IL17RD: variants seen among roughly 807,000 people sequenced by gnomAD.
The protein encoded by IL17RD is interleukin-17 receptor D.
Under a neutral mutation model 80.5 loss-of-function variants are expected in IL17RD, and 52 were observed. That is an observed-to-expected ratio of 0.65 (90% CI 0.52 to 0.81). IL17RD has a LOEUF of 0.81. Ranked by LOEUF, IL17RD falls within the 40% of genes least tolerant of loss-of-function variation. The pLI is 0.00. For synonymous variants in IL17RD, 416 were observed against 391.8 expected (o/e 1.06, Z -0.73); for missense variants, 1,024 against 955.1 (o/e 1.07, Z -0.95).
chr3:57,131,040 C>T (rs890072255), intron 1 of IL17RD, among the ~76,000 whole-genome samples: 4 of 152,184 alleles, frequency 2.6e-5, no homozygotes, highest in Non-Finnish European at 5.9e-5. Flanking sequence ...CGGGGCCTCC[C>T]GGGGGGCAAT....
rs895965696 is a variant in IL17RD at position 57,162,092 on chromosome 3, G to T, written c.126+3069C>A. On this transcript the variant is annotated intron_variant, in intron 1 of 12. Coordinates refer to ENST00000296318, the MANE Select transcript of IL17RD (RefSeq NM_017563.5). Reference sequence around the variant, plus strand: ...CCAGGCCAGCCCATGGCTCCTCTGGGAGCAGCCCCGAAGGGTCTGTTAGCA... The same window carrying T: ...CCAGGCCAGCCCATGGCTCCTCTGGTAGCAGCCCCGAAGGGTCTGTTAGCA... Among the ~76,000 whole-genome samples the T allele has an allele frequency of 1.1e-4, 17 of 152,234 alleles. 2 individuals are homozygous for T. Among genetic ancestry groups the T allele is most frequent in the Admixed American group, 1.0e-3 (16 of 15,286 alleles).
chr3:57,095,257 ACATGCTAAT>A lies in IL17RD; in HGVS notation c.*1127_*1135del, dbSNP rs1706646443. 1 of 152,232 alleles carries A rather than the reference ACATGCTAAT, an allele frequency of 6.6e-6. No homozygotes were observed. Among genetic ancestry groups the A allele is most frequent in the African/African-American group, 2.4e-5 (1 of 41,464 alleles). The allele number at this position is 152,232 out of a possible 1,614,324, so 9.4% of individuals were successfully genotyped here. ...GAGACCAAGACAGCATTCATTACAC[ACATGCTAAT>A]CATCAGATGGGATGTGAACAATTGT... On this transcript the variant is annotated 3_prime_UTR_variant, in exon 13 of 13. Transcript: ENST00000296318.
At chr3:57,138,503 AG>A in intron 1 of IL17RD, among the ~76,000 whole-genome samples, 1 of 152,326 alleles carries the variant, frequency 6.6e-6, no homozygotes, top group African/African-American at 2.4e-5. Flanking sequence ...ATCAAAGGAC[AG>A]GTCTGAGAGG....
chr3:57,128,119 C>A (rs1707532838), intron 1 of IL17RD, among the ~76,000 whole-genome samples: 1 of 152,198 alleles, frequency 6.6e-6, no homozygotes, highest in Admixed American at 6.5e-5. Flanking sequence ...ATGCAACCAA[C>A]TTCAGAAATG....
At chr3:57,128,092 C>T (rs1707532318) in intron 1 of IL17RD, among the ~76,000 whole-genome samples, 1 of 152,222 alleles carries the variant, frequency 6.6e-6, no homozygotes, top group Admixed American at 6.5e-5. Context: ...GCTGTTCTCT[C>T]TCTCTCTCAA....
At position 57,120,295 on chromosome 3, in the gene IL17RD, T is replaced by C. The variant is rs1041788884; in HGVS notation, c.145A>G (p.Arg49Gly). ...GTGATGTTGTACAGCCCACTGTTTC[T>C]GCTGGCTGGCCCCACTCCCTGTGGG... is the stretch of plus-strand genomic sequence containing the variant. ...CGWRGVGPAS[R>G]NSGLYNITFK... The change falls in exon 2 of 13, where the codon AGA (arginine) becomes GGA (glycine). Residue 49 changes from arginine (R) to glycine (G), a missense_variant. By Grantham distance (125) the Arg-to-Gly change is moderately radical. Coordinates refer to ENST00000296318, the MANE Select transcript of IL17RD (RefSeq NM_017563.5). 6 of 1,613,702 alleles carry C rather than the reference T, an allele frequency of 3.7e-6. No homozygotes were observed. In the African/African-American group the frequency reaches 4.0e-5, roughly 11 times the overall value.
At chr3:57,110,019 A>AT (rs1707058190) in intron 4 of IL17RD, among the ~76,000 whole-genome samples, 174 bp downstream of exon 4, 1 of 151,842 alleles carries the variant, frequency 6.6e-6, no homozygotes, top group African/African-American at 2.4e-5. Context: ...GTGCTGAAGA[A>AT]TTTCCCTGGG....
chr3:57,142,817 G>T (rs574379525), intron 1 of IL17RD, among the ~76,000 whole-genome samples: 1 of 151,978 alleles, frequency 6.6e-6, no homozygotes, highest in Non-Finnish European at 1.5e-5. Flanking sequence ...CTTTAAACTG[G>T]AATGTTTTGT....
chr3:57,128,710 G>A (rs540819693), intron 1 of IL17RD, among the ~76,000 whole-genome samples: 2 of 152,154 alleles, frequency 1.3e-5, no homozygotes, highest in Admixed American at 6.5e-5. Context: ...TCTTCCCCAC[G>A]CCTGACTTTA....
chr3:57,120,556 T>A (rs1278814044), intron 1 of IL17RD, among the ~76,000 whole-genome samples: 2 of 152,130 alleles, frequency 1.3e-5, no homozygotes, highest in African/African-American at 4.8e-5. Flanking sequence ...CCTAAAACAA[T>A]AAGGGCAGGC....
rs1706520280 is a variant in IL17RD, at chr3:57,090,098, C to A, written c.*6295G>T. ...AGTTATGTACAAATCAAGTCATTAACATTTTCAATGTCAAAAATACAGCAC... is the reference window on the plus strand; with the variant it reads ...AGTTATGTACAAATCAAGTCATTAAAATTTTCAATGTCAAAAATACAGCAC... On this transcript the variant is annotated 3_prime_UTR_variant, in exon 13 of 13. Transcript: ENST00000296318. The A allele has an allele frequency of 6.6e-6, 1 of 152,634 alleles. No individual in the cohort carries two copies. Among genetic ancestry groups the A allele is most frequent in the Non-Finnish European group, 1.5e-5 (1 of 68,042 alleles). The allele number at this position is 152,634 out of a possible 1,614,324, so 9.5% of individuals were successfully genotyped here. A position where few individuals can be genotyped will look rare whatever the true frequency, so the allele number is the denominator to read the frequency against.
chr3:57,123,976 C>T (rs777860655), intron 1 of IL17RD, among the ~76,000 whole-genome samples: 14 of 152,062 alleles, frequency 9.2e-5, no homozygotes, highest in South Asian at 4.2e-4. Context: ...ACCCGGGAGG[C>T]GGAGGTTGCA....
chr3:57,163,819 G>C (rs541464094), intron 1 of IL17RD, among the ~76,000 whole-genome samples: 2 of 145,212 alleles, frequency 1.4e-5, no homozygotes, highest in Non-Finnish European at 3.0e-5. Context: ...TGGCGGGGGC[G>C]GAGGCAGAGC....
chr3:57,127,112 A>C (rs1707475349), intron 1 of IL17RD, among the ~76,000 whole-genome samples: 1 of 148,582 alleles, frequency 6.7e-6, no homozygotes, highest in Non-Finnish European at 1.5e-5. Flanking sequence ...GGCATGAGCC[A>C]CTGCACCCGG....
rs911882702 is a variant in IL17RD, at chr3:57,093,628, T to C, written c.*2765A>G. 1 of 152,248 alleles carries C rather than the reference T, an allele frequency of 6.6e-6. No homozygotes were observed. Among genetic ancestry groups the C allele is most frequent in the African/African-American group, 2.4e-5 (1 of 41,464 alleles). The allele number at this position is 152,248 out of a possible 1,614,324, so 9.4% of individuals were successfully genotyped here. A position where few individuals can be genotyped will look rare whatever the true frequency, so the allele number is the denominator to read the frequency against. ...ATACCTGGGCCTGGACTGGAATGAC[T>C]TCTGACTCTTTCTGGAGATCAATTG... On this transcript the variant is annotated 3_prime_UTR_variant, in exon 13 of 13. Transcript: ENST00000296318.
chr3:57,106,242 T>G, intron 5 of IL17RD, 88 bp from the exon 6 acceptor site: 2 of 931,222 alleles, frequency 2.1e-6, no homozygotes, highest in South Asian at 2.9e-5. Flanking sequence ...ATAAAGATAC[T>G]GTGCCGGGTG....
At chr3:57,115,987 G>C (rs1333875701) in intron 2 of IL17RD, among the ~76,000 whole-genome samples, 3 of 152,032 alleles carry the variant, frequency 2.0e-5, no homozygotes, top group Non-Finnish European at 4.4e-5. Flanking sequence ...AACCACAAAA[G>C]ACTATAAGAA....
chr3:57,127,243 T>TATATATAAAAATATATAA (rs1707485784), intron 1 of IL17RD, among the ~76,000 whole-genome samples: 1 of 77,030 alleles, frequency 1.3e-5, no homozygotes, highest in South Asian at 3.6e-4. Flanking sequence ...AATATATAAA[T>TATATATAAAAATATATAA]ATATATATAA....
intron 1 of IL17RD, among the ~76,000 whole-genome samples, chr3:57,150,908 C>T (rs1435924909): frequency 6.6e-6 from 1 of 152,180 alleles, no homozygotes; most frequent in Non-Finnish European, 1.5e-5. Flanking sequence ...TCTCCTCTGG[C>T]TTGCTCCTGC....
Sources: gnomAD v4.1 joint callset for allele counts (sites outside exome capture counted in the v4.1 genomes callset) on GRCh38, gnomAD v4.1.1 for gene constraint, MANE v1.5 for transcripts, NCBI Gene and HGNC (gene_info 2026-07-23, HGNC 2026-07-21) for gene names.